The following ABLIM2 variants were observed in gnomAD, a reference collection of about 807,000 sequenced individuals.
ABLIM2 encodes actin binding LIM protein family member 2.
In ABLIM2, 53 loss-of-function variants were observed where a neutral mutation model predicts 97.7. That is an observed-to-expected ratio of 0.54 (90% confidence interval 0.44 to 0.68). The LOEUF (loss-of-function observed/expected upper bound fraction) is 0.68. ABLIM2 is among the 30% of genes least tolerant of loss of function. The probability of loss-of-function intolerance (pLI) is 0.00; values close to 1 mark genes in which losing one functional copy is unlikely to be tolerated. For synonymous variants in ABLIM2, 361 were observed against 345.8 expected (o/e 1.04, Z -0.49); for missense variants, 835 against 867.2 (o/e 0.96, Z 0.47).
At chr4:8,013,819 T>G (rs1766748047) in intron 14 of ABLIM2, among the ~76,000 whole-genome samples, 1 of 152,172 alleles carries the variant, frequency 6.6e-6, no homozygotes, top group Non-Finnish European at 1.5e-5. Context: ...ATCTGATGAG[T>G]CTCTGCACTC....
Position 8,044,569 on chromosome 4 carries a change from G to A in ABLIM2, c.900+595C>T, listed in dbSNP as rs1461095877. Among the ~76,000 whole-genome samples, 1 of 151,198 alleles carries A rather than the reference G, an allele frequency of 6.6e-6. No individual in the cohort carries two copies. Among genetic ancestry groups the A allele is most frequent in the Non-Finnish European group, 1.5e-5 (1 of 67,920 alleles). On this transcript the variant is annotated intron_variant, in intron 9 of 20. Coordinates refer to ENST00000447017, the MANE Select transcript of ABLIM2 (RefSeq NM_001130083.2). This position sits in a 1 kb window ranked among gnomAD's most constrained non-coding sequence, Gnocchi z 4.4. ...TCCCACCACCCAGAGGAAATTTCTG[G>A]TAACAACTTGTTAAAATGTTTTCAA...
intron 9 of ABLIM2, among the ~76,000 whole-genome samples, chr4:8,041,640 C>A (rs1399848019): frequency 2.0e-5 from 3 of 151,724 alleles, no homozygotes; most frequent in South Asian, 4.2e-4. Flanking sequence ...CGGTGGCTCA[C>A]GCCTGTAATC....
At position 8,153,193 on chromosome 4, in the gene ABLIM2, G is replaced by C. The variant is rs112399873; in HGVS notation, c.10+5487C>G. Among the ~76,000 whole-genome samples the C allele has an allele frequency of 7.2e-3, 1,100 of 152,300 alleles. 21 individuals are homozygous for C. The highest frequency in any genetic ancestry group is 0.025 in the African/African-American group (1,055 of 41,550). ...GAGCTCAGAGGTCTCCCGTGACCCA[G>C]ATGATGCTCTGGAAGCCCAGGGTGC... On this transcript the variant is annotated intron_variant, in intron 1 of 20. Coordinates refer to ENST00000447017, the MANE Select transcript of ABLIM2 (RefSeq NM_001130083.2).
rs555778359 is a variant in ABLIM2, at chr4:8,021,013, C to G, written c.1268-710G>C. On this transcript the variant is annotated intron_variant, in intron 12 of 20. Transcript: ENST00000447017. The surrounding 1 kb of genome is among the most constrained non-coding windows in gnomAD (Gnocchi z 5.5). Reference sequence around the variant, plus strand: ...CTGGGACCACAGGTGTGCACTACCACGCCTGGCTAATTTTTTTAATTTTGT... The same window carrying G: ...CTGGGACCACAGGTGTGCACTACCAGGCCTGGCTAATTTTTTTAATTTTGT... Among the ~76,000 whole-genome samples, 11 of 152,006 alleles carry G rather than the reference C, an allele frequency of 7.2e-5. No individual in the cohort carries two copies. In the South Asian group the frequency reaches 2.3e-3, roughly 32 times the overall value.
At chr4:8,079,541 G>A (rs1450581268) in intron 5 of ABLIM2, among the ~76,000 whole-genome samples, 1 of 152,190 alleles carries the variant, frequency 6.6e-6, no homozygotes, top group Non-Finnish European at 1.5e-5. Context: ...CCTTGGTTTG[G>A]AGGTTTTACT....
At chr4:8,007,963 G>T (rs1200629090) in intron 16 of ABLIM2, 96 bp downstream of exon 16, 1 of 1,533,980 alleles carries the variant, frequency 6.5e-7, no homozygotes, top group African/African-American at 1.4e-5. Flanking sequence ...TAACAGGCAA[G>T]GCTTAGATGT....
In ABLIM2 at chr4:8,095,104, CCTTTTCTTT is replaced by C. The variant is rs1453419624; in HGVS notation, c.338+1986_338+1994del. ...TCTCTCTCTTTCTTTCTTTCTCTTT[CCTTTTCTTT>C]CTTTTCTTTCTACAGGGTCTTGCTC... is the stretch of plus-strand genomic sequence containing the variant. On this transcript the variant is annotated intron_variant, in intron 3 of 20. Transcript: ENST00000447017. The surrounding 1 kb of genome is among the most constrained non-coding windows in gnomAD (Gnocchi z 4.7). Among the ~76,000 whole-genome samples the C allele has an allele frequency of 7.1e-6, 1 of 141,246 alleles. No homozygotes were observed. 92.7% of individuals were successfully genotyped at this position (141,246 alleles called of 152,430 possible). A position where few individuals can be genotyped will look rare whatever the true frequency, so the allele number is the denominator to read the frequency against.
At chr4:8,027,355 G>T (rs1047482041) in intron 12 of ABLIM2, among the ~76,000 whole-genome samples, 1 of 152,182 alleles carries the variant, frequency 6.6e-6, no homozygotes, top group Non-Finnish European at 1.5e-5. Flanking sequence ...GGCTGTGGAA[G>T]AGTCAGGGCC....
Position 7,999,171 on chromosome 4 carries a change from T to C in ABLIM2, c.1619-6244A>G, listed in dbSNP as rs1355029740. Among the ~76,000 whole-genome samples, 1 of 152,210 alleles carries C rather than the reference T, an allele frequency of 6.6e-6. No individual in the cohort carries two copies. Among genetic ancestry groups the C allele is most frequent in the East Asian group, 1.9e-4 (1 of 5,194 alleles). On this transcript the variant is annotated intron_variant, in intron 16 of 20. Coordinates refer to ENST00000447017, the MANE Select transcript of ABLIM2 (RefSeq NM_001130083.2). This position sits in a 1 kb window ranked among gnomAD's most constrained non-coding sequence, Gnocchi z 4.4. ...ACCTCCTGGGTTCAAGCGATTCTCC[T>C]GCCTCAGCCTCCTGAGTAGCTGGGA...
chr4:8,103,306 AT>A (rs1458708064), intron 2 of ABLIM2, among the ~76,000 whole-genome samples: 1 of 152,256 alleles, frequency 6.6e-6, no homozygotes, highest in African/African-American at 2.4e-5. Context: ...TGGAGAGAAG[AT>A]TAATGCAAGA....
chr4:8,113,871 C>T lies in ABLIM2; in HGVS notation c.11-7234G>A, dbSNP rs917037640. Among the ~76,000 whole-genome samples, 1 of 152,210 alleles carries T rather than the reference C, an allele frequency of 6.6e-6. No homozygotes were observed. Among genetic ancestry groups the T allele is most frequent in the Admixed American group, 6.5e-5 (1 of 15,284 alleles). ...TTCCAGCTTCCCTTTCACACCTTTC[C>T]TTCTGACCATGGCAACGAGCAGAGC... On this transcript the variant is annotated intron_variant, in intron 1 of 20. Transcript: ENST00000447017. This position sits in a 1 kb window ranked among gnomAD's most constrained non-coding sequence, Gnocchi z 4.5.
Position 8,019,781 on chromosome 4 carries a change from A to G in ABLIM2, c.1370-110T>C. ...GCAACAAGCACTCACCCAGATTTAG[A>G]ATCATCAGGCAGGAACTGGCACCCA... On this transcript the variant is annotated intron_variant, in intron 13 of 20. Transcript: ENST00000447017. This position sits in a 1 kb window ranked among gnomAD's most constrained non-coding sequence, Gnocchi z 4.3. 1 of 1,110,626 alleles carries G rather than the reference A, an allele frequency of 9.0e-7. No individual in the cohort carries two copies. The highest frequency in any genetic ancestry group is 1.3e-5 in the South Asian group (1 of 74,394). 68.8% of individuals were successfully genotyped at this position (1,110,626 alleles called of 1,614,324 possible). A position where few individuals can be genotyped will look rare whatever the true frequency, so the allele number is the denominator to read the frequency against.
rs1370661944 is a variant in ABLIM2, at chr4:7,970,109, A to G, written c.1825-3006T>C. 6.6e-6 allele frequency among the ~76,000 whole-genome samples: 1 copy of G among 152,228 alleles called. No individual in the cohort carries two copies. The highest frequency in any genetic ancestry group is 1.5e-5 in the Non-Finnish European group (1 of 68,040). On this transcript the variant is annotated intron_variant, in intron 20 of 20. Transcript: ENST00000447017. The surrounding 1 kb of genome is among the most constrained non-coding windows in gnomAD (Gnocchi z 5.3). Reference sequence around the variant, plus strand: ...AGGAAAATCATTTCTAGCTTTATCCAAGACCTGGTGATACCAGACCTTGTT... The same window carrying G: ...AGGAAAATCATTTCTAGCTTTATCCGAGACCTGGTGATACCAGACCTTGTT...
rs535773186 is a variant in ABLIM2 at position 8,072,455 on chromosome 4, G to A, written c.675+5173C>T. 7.2e-5 allele frequency among the ~76,000 whole-genome samples: 11 copies of A among 152,328 alleles called. No individual in the cohort carries two copies. The South Asian group carries it at 1.2e-3, about 17-fold the overall frequency. Reference sequence around the variant, plus strand: ...CTGGTGTGGGGGCTGCTGCCCATGGGTGTCAGAAACGCGGGGCAGGTGAGG... The same window carrying A: ...CTGGTGTGGGGGCTGCTGCCCATGGATGTCAGAAACGCGGGGCAGGTGAGG... On this transcript the variant is annotated intron_variant, in intron 6 of 20. Coordinates refer to ENST00000447017, the MANE Select transcript of ABLIM2 (RefSeq NM_001130083.2). This position sits in a 1 kb window ranked among gnomAD's most constrained non-coding sequence, Gnocchi z 5.8.
intron 1 of ABLIM2, among the ~76,000 whole-genome samples, chr4:8,111,024 T>G (rs1216206116): frequency 6.6e-6 from 1 of 152,208 alleles, no homozygotes; most frequent in Non-Finnish European, 1.5e-5. Context: ...AGGGGCCAAG[T>G]GGCATTCTCT....
At chr4:7,971,334 C>T (rs1217148201) in intron 20 of ABLIM2, among the ~76,000 whole-genome samples, 1 of 152,168 alleles carries the variant, frequency 6.6e-6, no homozygotes. Context: ...CAGGAGTGCA[C>T]CTCACCCCCA....
At position 8,022,104 on chromosome 4, in the gene ABLIM2, G is replaced by A. The variant is rs1282945620; in HGVS notation, c.1268-1801C>T. On this transcript the variant is annotated intron_variant, in intron 12 of 20. Transcript: ENST00000447017. This position sits in a 1 kb window ranked among gnomAD's most constrained non-coding sequence, Gnocchi z 7.8. ...GGCTGTGCTGGACCCATCCCCACTG[G>A]CAGCAAAACAGGGCAGGTTTTAAAA... 6.6e-6 allele frequency among the ~76,000 whole-genome samples: 1 copy of A among 152,222 alleles called. No homozygotes were observed. Among genetic ancestry groups the A allele is most frequent in the Non-Finnish European group, 1.5e-5 (1 of 68,048 alleles).
intron 5 of ABLIM2, 139 bp downstream of exon 5, chr4:8,080,537 G>C (rs1819104979): frequency 9.8e-7 from 1 of 1,017,350 alleles, no homozygotes; most frequent in African/African-American, 1.6e-5. Flanking sequence ...TTCTCACCCA[G>C]CAGCAGGGCA....
intron 2 of ABLIM2, among the ~76,000 whole-genome samples, chr4:8,098,263 A>G (rs1302164841): frequency 1.3e-5 from 2 of 152,212 alleles, no homozygotes; most frequent in Admixed American, 6.5e-5. Context: ...GGGTCAATGC[A>G]GCTTACAGCC....
Sources: allele counts gnomAD v4.1 joint callset (sites outside exome capture counted in the v4.1 genomes callset), GRCh38; gene constraint gnomAD v4.1.1; non-coding constraint Gnocchi (gnomAD v3.1); transcripts MANE v1.5; gene names NCBI Gene and HGNC (gene_info 2026-07-23, HGNC 2026-07-21).